Variants in CRY1 observed in about 807,000 individuals in gnomAD.
The protein encoded by CRY1 is cryptochrome-1.
Under a neutral mutation model 76.0 loss-of-function variants are expected in CRY1, and 45 were observed. That is an observed-to-expected ratio of 0.59 (90% CI 0.47 to 0.76). The LOEUF (loss-of-function observed/expected upper bound fraction) is 0.76. CRY1 is among the 30% of genes least tolerant of loss of function. The pLI is 0.00. For missense variants in CRY1, 587 were observed against 716.4 expected, an observed-to-expected ratio of 0.82 and a Z score of 2.06; for synonymous variants, 248 against 244.0, an observed-to-expected ratio of 1.02 and a Z score of -0.15.
chr12:106,997,854 A>C, intron 8 of CRY1, 61 bp downstream of exon 8: 1 of 1,582,852 alleles, frequency 6.3e-7, no homozygotes, highest in South Asian at 1.2e-5. Context: ...CATTGATTAA[A>C]CATGAAAAGC....
intron 1 of CRY1, among the ~76,000 whole-genome samples, chr12:107,032,702 G>T (rs1473780130): frequency 6.6e-6 from 1 of 152,126 alleles, no homozygotes; most frequent in African/African-American, 2.4e-5. Flanking sequence ...TCAACTACTC[G>T]GGAAGCAAAG....
At chr12:107,003,236 TAACTC>T (rs1231277815) in intron 3 of CRY1, among the ~76,000 whole-genome samples, 4 of 152,338 alleles carry the variant, frequency 2.6e-5, no homozygotes, top group Non-Finnish European at 5.9e-5. Flanking sequence ...GATCATTAAT[TAACTC>T]AATCAATTAT....
In CRY1 at chr12:107,000,098, G is replaced by A; in HGVS notation, c.685-16C>T. The A allele has an allele frequency of 6.4e-7, 1 of 1,573,590 alleles. No individual in the cohort carries two copies. The highest frequency in any genetic ancestry group is 8.6e-7 in the Non-Finnish European group (1 of 1,167,122). The stretch of plus-strand genomic sequence containing the variant: ...CCACCCAAGCCTGAAAACACACAGA[G>A]AAAATTATATTAACTAATTGTCTTT... On this transcript the variant is annotated splice_polypyrimidine_tract_variant and intron_variant, in intron 5 of 12. Coordinates refer to ENST00000008527, the MANE Select transcript of CRY1 (RefSeq NM_004075.5).
chr12:107,056,008 T>A (rs1045482579), intron 1 of CRY1, among the ~76,000 whole-genome samples: 2 of 151,860 alleles, frequency 1.3e-5, no homozygotes, highest in East Asian at 3.9e-4. Flanking sequence ...CCCTAAAGAG[T>A]TGGCAAGACA....
At chr12:107,021,729 A>AAT (rs143125407) in intron 2 of CRY1, among the ~76,000 whole-genome samples, 10 of 149,882 alleles carry the variant, frequency 6.7e-5, no homozygotes, top group East Asian at 2.0e-4. Context: ...CACACACAAA[A>AAT]ATATATATAT....
chr12:107,043,169 G>A (rs968238544), intron 1 of CRY1: 2 of 152,174 alleles, frequency 1.3e-5, no homozygotes, highest in Non-Finnish European at 2.9e-5. Context: ...CCCAAGCCAA[G>A]CTTCCTTTCC....
At chr12:107,075,741 T>C (rs1218951394) in intron 1 of CRY1, among the ~76,000 whole-genome samples, 2 of 152,094 alleles carry the variant, frequency 1.3e-5, no homozygotes, top group African/African-American at 4.8e-5. Context: ...GGCACAAAAA[T>C]GGAAGTGGAA....
intron 1 of CRY1, among the ~76,000 whole-genome samples, chr12:107,042,323 T>C (rs1444699542): frequency 6.6e-6 from 1 of 152,200 alleles, no homozygotes; most frequent in Non-Finnish European, 1.5e-5. Flanking sequence ...TTACAAAGTC[T>C]GAAAGTATCT....
chr12:107,090,267 T>G (rs1481368239), intron 1 of CRY1, among the ~76,000 whole-genome samples: 1 of 151,992 alleles, frequency 6.6e-6, no homozygotes, highest in African/African-American at 2.4e-5. Flanking sequence ...TTTTTTTGTG[T>G]TTTTTACTAG....
intron 7 of CRY1, among the ~76,000 whole-genome samples, chr12:106,998,691 C>CACACACACACA (rs968068608): frequency 6.6e-6 from 1 of 151,042 alleles, no homozygotes; most frequent in African/African-American, 2.4e-5. Context: ...CACACACACA[C>CACACACACACA]AAGCTCAGAA....
At chr12:107,027,654 T>C (rs1952631290) in intron 1 of CRY1, among the ~76,000 whole-genome samples, 1 of 152,202 alleles carries the variant, frequency 6.6e-6, no homozygotes, top group Non-Finnish European at 1.5e-5. Context: ...CTATTGCTGT[T>C]ATTTTAAAAA....
At chr12:106,998,726 A>G (rs1952263049) in intron 7 of CRY1, among the ~76,000 whole-genome samples, 1 of 150,710 alleles carries the variant, frequency 6.6e-6, no homozygotes, top group African/African-American at 2.5e-5. Context: ...GGGCAAATGT[A>G]TGGTATTGCC....
intron 2 of CRY1, among the ~76,000 whole-genome samples, chr12:107,007,971 T>C (rs1368171024): frequency 1.3e-5 from 2 of 152,202 alleles, no homozygotes; most frequent in Non-Finnish European, 2.9e-5. Context: ...ATATCAGCCA[T>C]ATTATTAGCA....
At chr12:107,042,647 T>A (rs1952810973) in intron 1 of CRY1, among the ~76,000 whole-genome samples, 1 of 152,090 alleles carries the variant, frequency 6.6e-6, no homozygotes, top group South Asian at 2.1e-4. Flanking sequence ...CTCATCGCCA[T>A]CACAAAGACA....
chr12:106,995,346 T>C (rs1952222412), intron 10 of CRY1, among the ~76,000 whole-genome samples: 1 of 152,206 alleles, frequency 6.6e-6, no homozygotes, highest in African/African-American at 2.4e-5. Context: ...ATGCAGGACA[T>C]TTCTGAATTC....
chr12:107,026,778 T>G (rs936006660), intron 1 of CRY1, among the ~76,000 whole-genome samples: 78 of 151,662 alleles, frequency 5.1e-4, no homozygotes, highest in African/African-American at 1.8e-3. Context: ...TGTTTTTTTT[T>G]TTTTTTTTTT....
chr12:107,006,792 A>C (rs1952381592), intron 2 of CRY1, among the ~76,000 whole-genome samples: 1 of 151,858 alleles, frequency 6.6e-6, no homozygotes, highest in African/African-American at 2.4e-5. Context: ...GCTGGGATTA[A>C]AGGCACATAC....
At chr12:107,006,602 A>C (rs1952376817) in intron 2 of CRY1, among the ~76,000 whole-genome samples, 1 of 148,832 alleles carries the variant, frequency 6.7e-6, no homozygotes, top group African/African-American at 2.5e-5. Context: ...CTAAGGCTTG[A>C]TCTCCACACA....
At chr12:107,085,582 A>G (rs965462970) in intron 1 of CRY1, among the ~76,000 whole-genome samples, 2 of 152,146 alleles carry the variant, frequency 1.3e-5, no homozygotes, top group Non-Finnish European at 2.9e-5. Context: ...CAAACATCGC[A>G]TGTTCTCCAT....
Sources: allele counts gnomAD v4.1 joint callset (sites outside exome capture counted in the v4.1 genomes callset), GRCh38; gene constraint gnomAD v4.1.1; transcripts MANE v1.5; gene names NCBI Gene and HGNC (gene_info 2026-07-23, HGNC 2026-07-21).